LRMDA: variants seen among roughly 807,000 people sequenced by gnomAD.
The protein encoded by LRMDA is leucine-rich melanocyte differentiation-associated protein.
A neutral mutation model predicts 29.8 loss-of-function variants in LRMDA; 18 were observed. That is an observed-to-expected ratio of 0.60 (90% CI 0.42 to 0.90). The LOEUF is 0.90. Among genes scored for constraint, LRMDA ranks in the 40% least tolerant of loss-of-function variants. LRMDA has a pLI of 0.00. For missense variants in LRMDA, 273 were observed against 273.9 expected (o/e 1.00, Z 0.02); for synonymous variants, 125 against 109.4 (o/e 1.14, Z -0.89).
intron 2 of LRMDA, among the ~76,000 whole-genome samples, chr10:75,760,824 G>T (rs1344912590): frequency 6.6e-6 from 1 of 152,172 alleles, no homozygotes; most frequent in East Asian, 1.9e-4. Flanking sequence ...GCATACACTT[G>T]CTTGTGTATA....
At chr10:75,626,251 C>T (rs1208558168) in intron 2 of LRMDA, among the ~76,000 whole-genome samples, 1 of 152,134 alleles carries the variant, frequency 6.6e-6, no homozygotes, top group East Asian at 1.9e-4. Flanking sequence ...GGTAAGATAA[C>T]CAATTGTCCT....
At chr10:76,115,882 C>A (rs551118651) in intron 5 of LRMDA, among the ~76,000 whole-genome samples, 40 of 152,186 alleles carry the variant, frequency 2.6e-4, no homozygotes, top group African/African-American at 9.4e-4. Context: ...ATGGAGCCGG[C>A]GACCTTTCTC....
intron 2 of LRMDA, among the ~76,000 whole-genome samples, chr10:75,727,241 C>T (rs930667671): frequency 2.6e-5 from 4 of 152,088 alleles, no homozygotes; most frequent in African/African-American, 4.8e-5. Flanking sequence ...GATGGAATCT[C>T]GATCAGTTAA....
chr10:76,551,880 A>G (rs754225104), intron 6 of LRMDA, among the ~76,000 whole-genome samples: 54 of 152,258 alleles, frequency 3.5e-4, no homozygotes, highest in Non-Finnish European at 6.2e-4. Context: ...CACCTTTTGC[A>G]GGGGTCAGGA....
At chr10:75,899,589 G>A (rs1845637634) in intron 2 of LRMDA, among the ~76,000 whole-genome samples, 1 of 152,212 alleles carries the variant, frequency 6.6e-6, no homozygotes, top group Admixed American at 6.5e-5. Context: ...CTGTGATCTA[G>A]CAGCTAAGGG....
chr10:75,852,997 T>G (rs778042548), intron 2 of LRMDA, among the ~76,000 whole-genome samples: 103 of 152,096 alleles, frequency 6.8e-4, no homozygotes, highest in Non-Finnish European at 1.2e-3. Context: ...AGAGAAATGC[T>G]GAGCAAAGGG....
At chr10:76,211,883 A>G (rs770313615) in intron 5 of LRMDA, among the ~76,000 whole-genome samples, 8 of 152,200 alleles carry the variant, frequency 5.3e-5, no homozygotes, top group Non-Finnish European at 1.2e-4. Flanking sequence ...TGTGGTTATC[A>G]CTACTGAGAT....
chr10:76,495,472 T>C (rs953549386), intron 6 of LRMDA, among the ~76,000 whole-genome samples: 8 of 151,898 alleles, frequency 5.3e-5, no homozygotes, highest in Admixed American at 6.6e-5. Flanking sequence ...TTCTTCCTTT[T>C]CTTTCCCATA....
At chr10:76,074,641 A>G (rs1159663398) in intron 5 of LRMDA, among the ~76,000 whole-genome samples, 1 of 152,196 alleles carries the variant, frequency 6.6e-6, no homozygotes, top group African/African-American at 2.4e-5. Flanking sequence ...CGTGCTCACT[A>G]AAATGCCTGG....
chr10:76,223,033 G>T (rs541063262), intron 5 of LRMDA, among the ~76,000 whole-genome samples: 3 of 151,186 alleles, frequency 2.0e-5, no homozygotes, highest in Admixed American at 6.6e-5. Flanking sequence ...ACCAAACACC[G>T]CATATTCTCA....
chr10:75,990,516 C>T (rs1481642220), intron 2 of LRMDA, among the ~76,000 whole-genome samples: 1 of 152,150 alleles, frequency 6.6e-6, no homozygotes, highest in Non-Finnish European at 1.5e-5. Context: ...TAATGCATTA[C>T]TTGGGTGGAA....
chr10:75,673,602 CA>C (rs1564536660), intron 2 of LRMDA, among the ~76,000 whole-genome samples: 1 of 152,116 alleles, frequency 6.6e-6, no homozygotes, highest in African/African-American at 2.4e-5. Context: ...TCTCTGAGGA[CA>C]TTTTGACTCT....
intron 6 of LRMDA, among the ~76,000 whole-genome samples, chr10:76,542,055 G>A (rs542315202): frequency 3.2e-4 from 8 of 25,184 alleles, no homozygotes; most frequent in South Asian, 8.0e-4. Context: ...GTGTGTGCAC[G>A]TGTGTGTGTG....
At chr10:76,359,705 G>A (rs1841287899) in intron 6 of LRMDA, among the ~76,000 whole-genome samples, 1 of 152,174 alleles carries the variant, frequency 6.6e-6, no homozygotes, top group Non-Finnish European at 1.5e-5. Context: ...AAGTAATCAG[G>A]TAGACTTCTA....
chr10:76,089,404 G>A (rs1244022492), intron 5 of LRMDA, among the ~76,000 whole-genome samples: 1 of 152,194 alleles, frequency 6.6e-6, no homozygotes, highest in African/African-American at 2.4e-5. Context: ...GAAAAATGAA[G>A]ACATTTTATA....
intron 2 of LRMDA, among the ~76,000 whole-genome samples, chr10:75,991,360 G>A (rs1256481655): frequency 6.6e-6 from 1 of 152,112 alleles, no homozygotes; most frequent in Non-Finnish European, 1.5e-5. Flanking sequence ...TTCTGCCCGT[G>A]GAATCTGTTA....
intron 1 of LRMDA, among the ~76,000 whole-genome samples, chr10:75,433,097 T>C (rs374543471): frequency 1.3e-5 from 2 of 152,196 alleles, no homozygotes; most frequent in East Asian, 3.9e-4. Context: ...GCTTTTTTTT[T>C]CTGGGAGTTA....
intron 2 of LRMDA, among the ~76,000 whole-genome samples, chr10:75,807,143 T>G (rs1843869279): frequency 1.3e-5 from 2 of 152,270 alleles, no homozygotes; most frequent in South Asian, 4.1e-4. Context: ...TGGAGGTCGG[T>G]CCTGTTGCTG....
chr10:75,922,803 A>AT (rs1846048089), intron 2 of LRMDA, among the ~76,000 whole-genome samples: 1 of 151,990 alleles, frequency 6.6e-6, no homozygotes, highest in Admixed American at 6.6e-5. Flanking sequence ...CAAAGTACTC[A>AT]TTTTCATCTT....
Sources: allele counts gnomAD v4.1 joint callset (sites outside exome capture counted in the v4.1 genomes callset), GRCh38; gene constraint gnomAD v4.1.1; transcripts MANE v1.5; gene names NCBI Gene and HGNC (gene_info 2026-07-23, HGNC 2026-07-21).